MTMR14: variants seen among roughly 807,000 people sequenced by gnomAD.
MTMR14 encodes myotubularin related protein 14.
Under a neutral mutation model 86.3 loss-of-function variants are expected in MTMR14, and 48 were observed. The ratio of observed to expected loss-of-function variants is 0.56; its 90% CI spans 0.44 to 0.71. The LOEUF is 0.71. Among genes scored for constraint, MTMR14 ranks in the 30% least tolerant of loss-of-function variants. MTMR14 has a pLI of 0.00. For synonymous variants in MTMR14, 366 were observed against 326.1 expected (o/e 1.12, Z -1.32); for missense variants, 780 against 834.6 (o/e 0.93, Z 0.81).
Position 9,701,826 on chromosome 3 carries a change from G to A in MTMR14, c.1806G>A (p.Gln602=), listed in dbSNP as rs1170532644. The stretch of plus-strand genomic sequence containing the variant: ...TGAGTGATCGAGAGACTCGGCTGCA[G>A]GAGGTGCGCTCAGCCTTCTTGGCTG... ...AALSDRETRL[Q]EVRSAFLAAY... The change falls in exon 19 of 19, where the codon CAG becomes CAA. Residue 602 remains glutamine (Q), a synonymous_variant. Transcript: ENST00000296003. This position sits in a 1 kb window ranked among gnomAD's most constrained non-coding sequence, Gnocchi z 4.2. 3 of 1,613,826 alleles carry A rather than the reference G, an allele frequency of 1.9e-6. No homozygotes were observed. Among genetic ancestry groups the A allele is most frequent in the Non-Finnish European group, 2.5e-6 (3 of 1,180,050 alleles).
intron 9 of MTMR14, among the ~76,000 whole-genome samples, chr3:9,679,016 T>G (rs2125210655): frequency 6.6e-6 from 1 of 152,290 alleles, no homozygotes; most frequent in Non-Finnish European, 1.5e-5. Context: ...CCTTGAGATC[T>G]CTCTTTCTTT....
rs1457885190 is a variant in MTMR14, at chr3:9,675,417, G to A, written c.752-1900G>A. On this transcript the variant is annotated intron_variant, in intron 7 of 18. Coordinates refer to ENST00000296003, the MANE Select transcript of MTMR14 (RefSeq NM_001077525.3). The stretch of plus-strand genomic sequence containing the variant: ...GAGCTGCACTTTGATGCTATTTAAG[G>A]AATCTCAGTTGAGCCCTGTGATGAC... The A allele has an allele frequency of 3.3e-5, 10 of 298,522 alleles. No individual in the cohort carries two copies. In the Admixed American group the frequency reaches 3.7e-4, roughly 11 times the overall value. The allele number at this position is 298,522 out of a possible 1,614,324, so 18.5% of individuals were successfully genotyped here.
intron 5 of MTMR14, 102 bp from the exon 6 acceptor site, chr3:9,670,946 C>A: frequency 2.0e-6 from 3 of 1,490,866 alleles, no homozygotes; most frequent in Non-Finnish European, 2.8e-6. Flanking sequence ...GCCCCAGCTT[C>A]TGGAGAAGAG....
intron 1 of MTMR14, among the ~76,000 whole-genome samples, chr3:9,651,059 G>C (rs866920089): frequency 1.3e-5 from 2 of 152,000 alleles, no homozygotes; most frequent in Non-Finnish European, 2.9e-5. Context: ...CAAAGTGCTG[G>C]GATACAGGCG....
At chr3:9,687,930 G>A (rs752020296) in intron 14 of MTMR14, 39 bp downstream of exon 14, 26 of 1,526,248 alleles carry the variant, frequency 1.7e-5, no homozygotes, top group African/African-American at 1.1e-4. Context: ...GGGCCAGGGC[G>A]CTCTGAGAAG....
At chr3:9,650,961 G>C (rs542373573) in intron 1 of MTMR14, among the ~76,000 whole-genome samples, 224 of 152,130 alleles carry the variant, frequency 1.5e-3, no homozygotes, top group African/African-American at 5.1e-3. Context: ...GCTAATTATT[G>C]TAGTTTTTAG....
intron 15 of MTMR14, 91 bp downstream of exon 15, chr3:9,688,845 GTTTT>G: frequency 7.3e-7 from 1 of 1,374,332 alleles, no homozygotes; most frequent in South Asian, 1.2e-5. Context: ...GAGGTTTTTT[GTTTT>G]TTTTTTTTTC....
At chr3:9,680,412 G>A (rs994423263) in intron 9 of MTMR14, among the ~76,000 whole-genome samples, 9 of 152,188 alleles carry the variant, frequency 5.9e-5, no homozygotes, top group African/African-American at 1.7e-4. Flanking sequence ...AAATGATAGA[G>A]CAGGGCCATC....
intron 2 of MTMR14, among the ~76,000 whole-genome samples, chr3:9,656,653 A>T (rs1277122567): frequency 6.6e-6 from 1 of 152,174 alleles, no homozygotes; most frequent in Non-Finnish European, 1.5e-5. Flanking sequence ...TCCTGGGCTC[A>T]AACAATCCGC....
chr3:9,689,960 G>A lies in MTMR14; in HGVS notation c.1434-4G>A, dbSNP rs114710124. The A allele has an allele frequency of 8.8e-3, 14,101 of 1,608,316 alleles. 87 individuals carry two copies. Among genetic ancestry groups the A allele is most frequent in the Non-Finnish European group, 9.7e-3 (11,434 of 1,178,360 alleles). On this transcript the variant is annotated splice_polypyrimidine_tract_variant and splice_region_variant and intron_variant, in intron 16 of 18. Coordinates refer to ENST00000296003, the MANE Select transcript of MTMR14 (RefSeq NM_001077525.3). Reference sequence around the variant, plus strand: ...GGCTCACAGCCCTGCTCCTTCCACTGCAGGAGGAAGAGCCACTCATCCTCT... The same window carrying A: ...GGCTCACAGCCCTGCTCCTTCCACTACAGGAGGAAGAGCCACTCATCCTCT...
rs774511063 is a variant in MTMR14, at chr3:9,688,687, C to G, written c.1236-9C>G. On this transcript the variant is annotated splice_polypyrimidine_tract_variant and intron_variant, in intron 14 of 18. Coordinates refer to ENST00000296003, the MANE Select transcript of MTMR14 (RefSeq NM_001077525.3). Reference sequence around the variant, plus strand: ...ATCTGGAATTTACTGCTCCGGCTTCCATTTCTAGGAGGAAGAGTTTGCCAG... The same window carrying G: ...ATCTGGAATTTACTGCTCCGGCTTCGATTTCTAGGAGGAAGAGTTTGCCAG... 6.2e-7 allele frequency: 1 copy of G among 1,614,142 alleles called. No homozygotes were observed. The highest frequency in any genetic ancestry group is 1.1e-5 in the South Asian group (1 of 91,076).
intron 3 of MTMR14, among the ~76,000 whole-genome samples, chr3:9,663,666 A>G (rs1226592393): frequency 6.6e-6 from 1 of 150,510 alleles, no homozygotes; most frequent in Non-Finnish European, 1.5e-5. Flanking sequence ...GGCACCCGCC[A>G]CCACGCCCGG....
intron 2 of MTMR14, among the ~76,000 whole-genome samples, chr3:9,655,183 A>G (rs1424672172): frequency 3.3e-5 from 5 of 152,054 alleles, no homozygotes; most frequent in Non-Finnish European, 7.4e-5. Flanking sequence ...CCTGGCCAAC[A>G]TGGTGAAACC....
chr3:9,675,491 A>G, intron 7 of MTMR14: 1 of 443,242 alleles, frequency 2.3e-6, no homozygotes, highest in Non-Finnish European at 4.6e-6. Context: ...GATGTGTCAC[A>G]CTATCTTGGG....
At position 9,655,858 on chromosome 3, in the gene MTMR14, G is replaced by A. The variant is rs992756618; in HGVS notation, c.308+2089G>A. ...GCAGAGGAACAATCCAGTAGGAGGAGTTTAAGCACTAAGCCTTAGTTTCCT... is the reference window on the plus strand; with the variant it reads ...GCAGAGGAACAATCCAGTAGGAGGAATTTAAGCACTAAGCCTTAGTTTCCT... On this transcript the variant is annotated intron_variant, in intron 2 of 18. Coordinates refer to ENST00000296003, the MANE Select transcript of MTMR14 (RefSeq NM_001077525.3). Among the ~76,000 whole-genome samples, 3 of 151,982 alleles carry A rather than the reference G, an allele frequency of 2.0e-5. No homozygotes were observed. In the South Asian group the frequency reaches 6.2e-4, roughly 32 times the overall value.
At position 9,689,004 on chromosome 3, in the gene MTMR14, G is replaced by T. The variant is rs1197882989; in HGVS notation, c.1355G>T (p.Ser452Ile). The T allele has an allele frequency of 1.9e-6, 3 of 1,613,864 alleles. No homozygotes were observed. Among genetic ancestry groups the T allele is most frequent in the Non-Finnish European group, 2.5e-6 (3 of 1,180,044 alleles). Residue 452 changes from serine to isoleucine, a missense_variant, in exon 16 of 19, where the codon AGT becomes ATT. By Grantham distance (142) the Ser-to-Ile change is moderately radical. Coordinates refer to ENST00000296003, the MANE Select transcript of MTMR14 (RefSeq NM_001077525.3). ...LGSDFSLVMESSPGATGSFTY... is the reference protein window; with the variant it reads ...LGSDFSLVMEISPGATGSFTY... ...AGCGACTTCTCCCTGGTCATGGAGA[G>T]TTCCCCAGGAGCCACTGGGAGCTTC...
At chr3:9,684,990 T>C in intron 12 of MTMR14, 26 bp downstream of exon 12, 1 of 1,608,040 alleles carries the variant, frequency 6.2e-7, no homozygotes, top group Non-Finnish European at 8.5e-7. Context: ...AGTTGGGTTT[T>C]GGGGCCTTAG....
intron 2 of MTMR14, among the ~76,000 whole-genome samples, chr3:9,655,461 CTTTTTTTTTTT>C (rs779901219): frequency 3.4e-5 from 2 of 59,320 alleles, no homozygotes; most frequent in Admixed American, 2.0e-4. Flanking sequence ...CCCTTGATGT[CTTTTTTTTTTT>C]TTTTTTTTTG....
intron 15 of MTMR14, 94 bp from the exon 16 acceptor site, chr3:9,688,850 T>G (rs879185542): frequency 4.0e-5 from 65 of 1,611,220 alleles, no homozygotes; most frequent in Admixed American, 1.8e-4. Flanking sequence ...TTTTTGTTTT[T>G]TTTTTTTTCT....
Sources: gnomAD v4.1 joint callset for allele counts (sites outside exome capture counted in the v4.1 genomes callset) on GRCh38, gnomAD v4.1.1 for gene constraint, Gnocchi (gnomAD v3.1) non-coding constraint, MANE v1.5 for transcripts, NCBI Gene and HGNC (gene_info 2026-07-23, HGNC 2026-07-21) for gene names.